The following CEP78 variants were observed in gnomAD, a reference collection of about 807,000 sequenced individuals.
The protein encoded by CEP78 is centrosomal protein 78.
Under a neutral mutation model 81.2 loss-of-function variants are expected in CEP78, and 76 were observed. The ratio of observed to expected loss-of-function variants is 0.94; its 90% CI spans 0.78 to 1.13. The LOEUF (loss-of-function observed/expected upper bound fraction) is 1.13. Among genes scored for constraint, CEP78 ranks in the 50% most tolerant of loss-of-function variants. The probability of loss-of-function intolerance (pLI) is 0.00; values close to 1 mark genes in which losing one functional copy is unlikely to be tolerated. For synonymous variants in CEP78, 293 were observed against 301.4 expected (o/e 0.97, Z 0.29); for missense variants, 918 against 846.8 (o/e 1.08, Z -1.04).
At position 78,251,993 on chromosome 9, in the gene CEP78, T is replaced by C. The variant is rs921560417; in HGVS notation, c.1155T>C (p.Gly385=). ...ATGCGCCCGCACCTCTTCCACCTGG[T>C]GTGTCTGGTTTCTTGCCGTGGCGTA... is the stretch of plus-strand genomic sequence containing the variant. ...EYYAPAPLPP[G]VSGFLPWRTA... is the part of the protein sequence containing the mutation. The change falls in exon 9 of 17, where the codon GGT becomes GGC. Residue 385 remains glycine (G), a synonymous_variant. Coordinates refer to ENST00000643273, the MANE Select transcript of CEP78 (RefSeq NM_001330691.3). 1 of 1,606,948 alleles carries C rather than the reference T, an allele frequency of 6.2e-7. No homozygotes were observed. The highest frequency in any genetic ancestry group is 1.3e-5 in the African/African-American group (1 of 74,890).
In CEP78 at chr9:78,243,538, C is replaced by T. The variant is rs368402315; in HGVS notation, c.680C>T (p.Ala227Val). ...AGGAGACCTGATCTTGACTGTATGG[C>T]TGGCTTAAGACGTATCACACTGAAT... ...RYRRPDLDCM[A>V]GLRRITLNCN... Residue 227 changes from alanine (A) to valine (V), a missense_variant, in exon 5 of 17, where the codon GCT (alanine) becomes GTT (valine). Physicochemically the swap from Ala to Val is moderately conservative, Grantham distance 64 (BLOSUM62 0). Coordinates refer to ENST00000643273, the MANE Select transcript of CEP78 (RefSeq NM_001330691.3). 2.0e-4 allele frequency: 324 copies of T among 1,613,716 alleles called. 1 individual carries two copies. Among genetic ancestry groups the T allele is most frequent in the Non-Finnish European group, 2.7e-4 (319 of 1,179,806 alleles).
In CEP78 at chr9:78,262,839, C is replaced by T. The variant is rs1254559998; in HGVS notation, c.1381-68C>T. ...GTCCCTAAACACTTGGTGAGCTCAA[C>T]AGCTGGAAGAGTTTTGGGGATCATA... On this transcript the variant is annotated intron_variant, in intron 11 of 16. Coordinates refer to ENST00000643273, the MANE Select transcript of CEP78 (RefSeq NM_001330691.3). 5.2e-6 allele frequency: 5 copies of T among 965,648 alleles called. No homozygotes were observed. The East Asian group carries it at 8.1e-5, about 16-fold the overall frequency. The allele number at this position is 965,648 out of a possible 1,614,324, so 59.8% of individuals were successfully genotyped here.
chr9:78,259,416 A>G (rs183628401), intron 11 of CEP78, among the ~76,000 whole-genome samples: 2 of 152,316 alleles, frequency 1.3e-5, no homozygotes, highest in Non-Finnish European at 2.9e-5. Context: ...AAACTTGGGT[A>G]TATGGTTACA....
Position 78,236,357 on chromosome 9 carries a change from G to A in CEP78, c.7G>A (p.Asp3Asn). 1 of 1,575,528 alleles carries A rather than the reference G, an allele frequency of 6.3e-7. No individual in the cohort carries two copies. ...CCGAGGCCGCCCTCGGGCCATGATC[G>A]ACTCCGTGAAGCTGCGCCGCGACAG... Reference protein sequence around the residue: MIDSVKLRRDSAA... With the variant: MINSVKLRRDSAA... The change falls in exon 1 of 17, where the codon GAC (aspartate) becomes AAC (asparagine). Residue 3 changes from aspartate (D) to asparagine (N), a missense_variant. Coordinates refer to ENST00000643273, the MANE Select transcript of CEP78 (RefSeq NM_001330691.3).
In CEP78 at chr9:78,262,920, A is replaced by G. The variant is rs751319038; in HGVS notation, c.1394A>G (p.Glu465Gly). 1 of 1,533,332 alleles carries G rather than the reference A, an allele frequency of 6.5e-7. No individual in the cohort carries two copies. Among genetic ancestry groups the G allele is most frequent in the South Asian group, 1.2e-5 (1 of 81,906 alleles). 95.0% of individuals were successfully genotyped at this position (1,533,332 alleles called of 1,614,324 possible). ...EQEALQEKLE[E>G]CLKQLKEERV... ...ACTTAATACTAGGAAAAACTGGAGG[A>G]GTGCCTAAAGCAGTTAAAGGAAGAA... The change falls in exon 12 of 17, where the codon GAG becomes GGG. Residue 465 changes from glutamate to glycine, a missense_variant. Transcript: ENST00000643273.
rs1020634186 is a variant in CEP78 at position 78,251,975 on chromosome 9, C to G, written c.1137C>G (p.Pro379=). Residue 379 remains proline (P), a synonymous_variant, in exon 9 of 17, where the codon CCC becomes CCG. Transcript: ENST00000643273. ...CCCTTGGTAAAGAATATTATGCGCC[C>G]GCACCTCTTCCACCTGGTGTGTCTG... is the stretch of plus-strand genomic sequence containing the variant. ...KHSLGKEYYA[P]APLPPGVSGF... is the part of the protein sequence containing the mutation. 1 of 1,607,994 alleles carries G rather than the reference C, an allele frequency of 6.2e-7. No individual in the cohort carries two copies. Among genetic ancestry groups the G allele is most frequent in the Non-Finnish European group, 8.5e-7 (1 of 1,175,960 alleles).
At chr9:78,260,552 A>G (rs984995388) in intron 11 of CEP78, among the ~76,000 whole-genome samples, 1 of 151,892 alleles carries the variant, frequency 6.6e-6, no homozygotes, top group Non-Finnish European at 1.5e-5. Context: ...CTAAAAATAC[A>G]AAAAATTAGC....
chr9:78,265,457 A>G lies in CEP78; in HGVS notation c.1711A>G (p.Asn571Asp). The change falls in exon 14 of 17, where the codon AAT becomes GAT. Residue 571 changes from asparagine to aspartate, a missense_variant. By Grantham distance (23) the Asn-to-Asp change is conservative (BLOSUM62 1). Transcript: ENST00000643273. ...GHPQMTSTVS[N>D]PPKEEKKALE... ...TCCCCAGATGACTTCTACTGTTAGT[A>G]ATCCACCTAAAGAAGAAAAGAAGGC... 1.3e-6 allele frequency: 2 copies of G among 1,597,076 alleles called. No homozygotes were observed. The highest frequency in any genetic ancestry group is 1.7e-6 in the Non-Finnish European group (2 of 1,171,296).
At chr9:78,267,816 C>G (rs1052958206) in intron 16 of CEP78, among the ~76,000 whole-genome samples, 1 of 152,076 alleles carries the variant, frequency 6.6e-6, no homozygotes, top group Non-Finnish European at 1.5e-5. Context: ...ATACCCCTCC[C>G]TGGTAAAATA....
chr9:78,270,634 T>A (rs1424324096), intron 16 of CEP78, among the ~76,000 whole-genome samples: 1 of 152,232 alleles, frequency 6.6e-6, no homozygotes, highest in Admixed American at 6.5e-5. Context: ...ATCATCACTC[T>A]TGCTTGCCCA....
Position 78,271,905 on chromosome 9 carries a change from CTT to C in CEP78, c.*1060_*1061del. ...GGTTCTTTCTTTCTTTTCTTTTTTT[CTT>C]TTTTTCTTTTTTTTTTGAGACGGAG... On this transcript the variant is annotated 3_prime_UTR_variant, in exon 17 of 17. Transcript: ENST00000643273. 6.6e-6 allele frequency: 1 copy of C among 151,354 alleles called. No individual in the cohort carries two copies. Among genetic ancestry groups the C allele is most frequent in the Non-Finnish European group, 1.5e-5 (1 of 67,934 alleles). 9.4% of individuals were successfully genotyped at this position (151,354 alleles called of 1,614,324 possible).
intron 3 of CEP78, among the ~76,000 whole-genome samples, chr9:78,240,845 C>A (rs1587552593): frequency 6.6e-6 from 1 of 151,982 alleles, no homozygotes; most frequent in East Asian, 1.9e-4. Context: ...TGCCTATAGT[C>A]CCAGCCACTC....
intron 1 of CEP78, among the ~76,000 whole-genome samples, chr9:78,237,328 C>T (rs913992356): frequency 5.9e-5 from 9 of 152,194 alleles, no homozygotes; most frequent in African/African-American, 1.7e-4. Flanking sequence ...AAGTGCTTTA[C>T]AAATACAAGC....
rs1021483746 is a variant in CEP78 at position 78,274,014 on chromosome 9, C to T, written c.*3163C>T. The T allele has an allele frequency of 2.0e-5, 3 of 152,176 alleles. No homozygotes were observed. The highest frequency in any genetic ancestry group is 2.0e-4 in the Admixed American group (3 of 15,272). 9.4% of individuals were successfully genotyped at this position (152,176 alleles called of 1,614,324 possible). ...TCTTTAAATGCTAACATACACATACCATATGACCAAGCAGTCCCACTCCTG... is the reference window on the plus strand; with the variant it reads ...TCTTTAAATGCTAACATACACATACTATATGACCAAGCAGTCCCACTCCTG... On this transcript the variant is annotated 3_prime_UTR_variant, in exon 17 of 17. Coordinates refer to ENST00000643273, the MANE Select transcript of CEP78 (RefSeq NM_001330691.3).
intron 10 of CEP78, among the ~76,000 whole-genome samples, chr9:78,254,299 C>G (rs765127381): frequency 2.6e-5 from 4 of 152,008 alleles, no homozygotes; most frequent in Non-Finnish European, 4.4e-5. Flanking sequence ...AACTTCTGAC[C>G]TTAAGCAGTA....
In CEP78 at chr9:78,264,284, TC is replaced by T. The variant is rs766386077; in HGVS notation, c.1594del (p.His532MetfsTer21). 6.2e-7 allele frequency: 1 copy of T among 1,613,338 alleles called. No individual in the cohort carries two copies. Among genetic ancestry groups the T allele is most frequent in the East Asian group, 2.2e-5 (1 of 44,790 alleles). ...GSIENSFQKF[H>X]AFLDLLKDAG... ...GCATTGAGAATTCTTTTCAGAAGTT[TC>T]ATGCTTTCTTGGATCTCCTTAAAGA... On this transcript the variant is annotated frameshift_variant, in exon 13 of 17. Transcript: ENST00000643273. LOFTEE classifies it high-confidence loss of function.
intron 3 of CEP78, among the ~76,000 whole-genome samples, chr9:78,240,689 G>A (rs1826185757): frequency 6.6e-6 from 1 of 152,092 alleles, no homozygotes; most frequent in Admixed American, 6.5e-5. Flanking sequence ...GGCCGGGCGT[G>A]GTGGCTCACG....
chr9:78,262,608 T>C (rs1421060387), intron 11 of CEP78, among the ~76,000 whole-genome samples: 1 of 152,188 alleles, frequency 6.6e-6, no homozygotes, highest in Non-Finnish European at 1.5e-5. Flanking sequence ...ATAGAATTTC[T>C]TTTTCATAGC....
At chr9:78,263,553 C>T (rs1299204318) in intron 12 of CEP78, among the ~76,000 whole-genome samples, 1 of 152,108 alleles carries the variant, frequency 6.6e-6, no homozygotes, top group African/African-American at 2.4e-5. Context: ...GACAGTTAAT[C>T]ATTCAATAAA....
Sources: gnomAD v4.1 joint callset for allele counts (sites outside exome capture counted in the v4.1 genomes callset) on GRCh38, gnomAD v4.1.1 for gene constraint, MANE v1.5 for transcripts, NCBI Gene and HGNC (gene_info 2026-07-23, HGNC 2026-07-21) for gene names.